Variants in TRAPPC9 observed in about 807,000 individuals in gnomAD.
TRAPPC9 encodes trafficking protein particle complex subunit 9.
In TRAPPC9, 83 loss-of-function variants were observed where a neutral mutation model predicts 124.0. The observed-to-expected ratio is 0.67, with a 90% CI of 0.56 to 0.80. TRAPPC9 has a LOEUF of 0.80. Among genes scored for constraint, TRAPPC9 ranks in the 30% least tolerant of loss-of-function variants. TRAPPC9 has a pLI of 0.00. For synonymous variants in TRAPPC9, 638 were observed against 617.5 expected, an observed-to-expected ratio of 1.03 and a Z score of -0.49; for missense variants, 1,302 against 1,508.3, an observed-to-expected ratio of 0.86 and a Z score of 2.27.
chr8:139,814,189 C>A (rs76585424), intron 21 of TRAPPC9, among the ~76,000 whole-genome samples: 1 of 152,276 alleles, frequency 6.6e-6, no homozygotes, highest in African/African-American at 2.4e-5. Context: ...AGGCGGTGGG[C>A]GGCCAGGGGC....
intron 17 of TRAPPC9, among the ~76,000 whole-genome samples, chr8:140,094,528 C>T (rs1209518841): frequency 6.6e-6 from 1 of 152,198 alleles, no homozygotes; most frequent in East Asian, 1.9e-4. Flanking sequence ...CTGTTAGCCA[C>T]AGCACTCCAT....
chr8:140,158,083 T>C (rs527912037), intron 17 of TRAPPC9, among the ~76,000 whole-genome samples: 2 of 151,830 alleles, frequency 1.3e-5, no homozygotes, highest in Non-Finnish European at 3.0e-5. Context: ...ACAGATAACC[T>C]AATATATACA....
intron 21 of TRAPPC9, among the ~76,000 whole-genome samples, chr8:139,861,188 C>T (rs1828120209): frequency 1.3e-5 from 2 of 152,228 alleles, no homozygotes; most frequent in African/African-American, 4.8e-5. Flanking sequence ...AAGGGTGCTC[C>T]TTGCAGATTA....
At chr8:140,354,702 G>A (rs1238887837) in intron 9 of TRAPPC9, among the ~76,000 whole-genome samples, 1 of 152,144 alleles carries the variant, frequency 6.6e-6, no homozygotes, top group Non-Finnish European at 1.5e-5. Context: ...ATTTAGAAAT[G>A]TTAGTTATCA....
At chr8:140,289,009 A>G (rs892373328) in intron 12 of TRAPPC9, among the ~76,000 whole-genome samples, 1 of 152,172 alleles carries the variant, frequency 6.6e-6, no homozygotes, top group African/African-American at 2.4e-5. Context: ...TCACGCGGGA[A>G]GAAAGGACAC....
chr8:140,291,238 G>C, intron 11 of TRAPPC9, 160 bp from the exon 12 acceptor site: 1 of 714,880 alleles, frequency 1.4e-6, no homozygotes, highest in South Asian at 1.5e-5. Flanking sequence ...TTTTCCACCA[G>C]CTTTCTCTGA....
intron 18 of TRAPPC9, among the ~76,000 whole-genome samples, chr8:139,999,601 C>T (rs1414680592): frequency 1.3e-5 from 2 of 151,958 alleles, no homozygotes; most frequent in African/African-American, 2.4e-5. Context: ...CTCCACCCAC[C>T]AAGAGCAGAA....
chr8:140,224,085 C>T (rs1460433026), intron 16 of TRAPPC9, among the ~76,000 whole-genome samples: 1 of 152,174 alleles, frequency 6.6e-6, no homozygotes, highest in Non-Finnish European at 1.5e-5. Context: ...AGGGTCCTCT[C>T]TGCACTTAGA....
intron 21 of TRAPPC9, among the ~76,000 whole-genome samples, chr8:139,834,610 G>A (rs543210815): frequency 1.3e-5 from 2 of 152,202 alleles, no homozygotes; most frequent in African/African-American, 4.8e-5. Flanking sequence ...GGACGTTGTC[G>A]CCCCATCTCA....
At position 139,999,177 on chromosome 8, in the gene TRAPPC9, T is replaced by C. The variant is rs937889118; in HGVS notation, c.2700-10341A>G. Among the ~76,000 whole-genome samples, 6 of 152,024 alleles carry C rather than the reference T, an allele frequency of 3.9e-5. No homozygotes were observed. In the South Asian group the frequency reaches 1.2e-3, roughly 32 times the overall value. Reference sequence around the variant, plus strand: ...AATAGTCTCATTAATAGACAGAGATTGTCAGAATACGTTTAAACAAAAAAA... The same window carrying C: ...AATAGTCTCATTAATAGACAGAGATCGTCAGAATACGTTTAAACAAAAAAA... On this transcript the variant is annotated intron_variant, in intron 18 of 22. Coordinates refer to ENST00000438773, the MANE Select transcript of TRAPPC9 (RefSeq NM_001160372.4).
At chr8:139,779,320 G>T (rs73362160) in intron 21 of TRAPPC9, among the ~76,000 whole-genome samples, 7,875 of 152,176 alleles carry the variant, frequency 0.052, 712 homozygotes, top group African/African-American at 0.18. Context: ...AAAGCAGAAG[G>T]CATTCAGCAG....
rs141405485 is a variant in TRAPPC9, at chr8:140,241,787, C to T, written c.2431+10990G>A. ...GATCCTCACAGCCAGACAGCTCTCC[C>T]GTCTCTGAACTCAGGGTGTGGAACA... On this transcript the variant is annotated intron_variant, in intron 16 of 22. Transcript: ENST00000438773. The surrounding 1 kb of genome is among the most constrained non-coding windows in gnomAD (Gnocchi z 5.0). Among the ~76,000 whole-genome samples the T allele has an allele frequency of 7.7e-3, 1,168 of 152,316 alleles. 12 individuals are homozygous for T. Among genetic ancestry groups the T allele is most frequent in the African/African-American group, 0.026 (1,098 of 41,578 alleles).
chr8:139,927,951 C>CT (rs1296945194), intron 19 of TRAPPC9, among the ~76,000 whole-genome samples: 2 of 152,182 alleles, frequency 1.3e-5, no homozygotes, highest in Non-Finnish European at 2.9e-5. Flanking sequence ...GTGGGACAGA[C>CT]TGCAAAAGGG....
intron 9 of TRAPPC9, among the ~76,000 whole-genome samples, chr8:140,355,968 A>C (rs1262225273): frequency 6.6e-6 from 1 of 152,262 alleles, no homozygotes; most frequent in Non-Finnish European, 1.5e-5. Context: ...AAGTGAACAA[A>C]GCTTAAAAAT....
At chr8:140,458,489 C>T (rs750200775), upstream of TRAPPC9, 7 of 1,575,592 alleles carry the variant, frequency 4.4e-6, no homozygotes, top group African/African-American at 2.7e-5. Context: ...GCCCGGGAGG[C>T]ACGTGAGGTG....
At chr8:139,839,100 T>C (rs1826558239) in intron 21 of TRAPPC9, among the ~76,000 whole-genome samples, 1 of 152,170 alleles carries the variant, frequency 6.6e-6, no homozygotes, top group South Asian at 2.1e-4. Flanking sequence ...TCAGGGTGCA[T>C]CTTTGGCCAG....
chr8:139,824,513 G>A (rs181150202), intron 21 of TRAPPC9, among the ~76,000 whole-genome samples: 16 of 152,200 alleles, frequency 1.1e-4, no homozygotes, highest in Admixed American at 3.3e-4. Context: ...CCCGTTTTAA[G>A]GGATTTAATG....
chr8:140,327,508 C>T (rs1016997039), intron 9 of TRAPPC9, among the ~76,000 whole-genome samples: 2 of 152,116 alleles, frequency 1.3e-5, no homozygotes, highest in African/African-American at 4.8e-5. Context: ...TAGAAACAAG[C>T]CAAATGTCCA....
chr8:140,015,274 A>T (rs1839390388), intron 18 of TRAPPC9, among the ~76,000 whole-genome samples: 2 of 152,224 alleles, frequency 1.3e-5, no homozygotes. Context: ...AACCTGAGCA[A>T]ATCAGAAAAC....
Sources: gnomAD v4.1 joint callset for allele counts (sites outside exome capture counted in the v4.1 genomes callset) on GRCh38, gnomAD v4.1.1 for gene constraint, Gnocchi (gnomAD v3.1) non-coding constraint, MANE v1.5 for transcripts, NCBI Gene and HGNC (gene_info 2026-07-23, HGNC 2026-07-21) for gene names.